Variants in GPR39 observed in about 807,000 individuals in gnomAD.
The protein encoded by GPR39 is zinc sensing receptor.
Under a neutral mutation model 18.4 loss-of-function variants are expected in GPR39, and 23 were observed. The observed-to-expected ratio is 1.25, with a 90% CI of 0.90 to 1.77. GPR39 has a LOEUF of 1.77. GPR39 is among the 40% of genes most tolerant of loss of function. The probability of loss-of-function intolerance (pLI) is 0.00; values close to 1 mark genes in which losing one functional copy is unlikely to be tolerated. For synonymous variants in GPR39, 280 were observed against 257.9 expected, an observed-to-expected ratio of 1.09 and a Z score of -0.82; for missense variants, 647 against 602.4, an observed-to-expected ratio of 1.07 and a Z score of -0.78.
At chr2:132,519,748 CT>C (rs1347672957) in intron 1 of GPR39, among the ~76,000 whole-genome samples, 9 of 152,192 alleles carry the variant, frequency 5.9e-5, no homozygotes, top group Non-Finnish European at 7.4e-5. Context: ...ACAAGGCCCT[CT>C]GATGACACTC....
At chr2:132,644,588 T>C (rs2104884081) in intron 1 of GPR39, among the ~76,000 whole-genome samples, 1 of 152,334 alleles carries the variant, frequency 6.6e-6, no homozygotes, top group East Asian at 1.9e-4. Context: ...GCAAAACCAG[T>C]GTCATTAAAT....
At chr2:132,468,252 C>G (rs1355556527) in intron 1 of GPR39, among the ~76,000 whole-genome samples, 3 of 152,134 alleles carry the variant, frequency 2.0e-5, no homozygotes, top group South Asian at 2.1e-4. Context: ...AGTTTCCTGT[C>G]CTCAAAAAGA....
chr2:132,580,612 G>T (rs1204924595), intron 1 of GPR39, among the ~76,000 whole-genome samples: 1 of 152,172 alleles, frequency 6.6e-6, no homozygotes, highest in Admixed American at 6.5e-5. Flanking sequence ...AGAACCAAAA[G>T]CACTGTGTGG....
At chr2:132,590,818 C>CGTGTGTGT (rs3066458) in intron 1 of GPR39, among the ~76,000 whole-genome samples, 3,076 of 143,946 alleles carry the variant, frequency 0.021, 59 homozygotes, top group African/African-American at 0.052. Flanking sequence ...AAGTATTGTT[C>CGTGTGTGT]GTGTGTGTGT....
intron 1 of GPR39, among the ~76,000 whole-genome samples, chr2:132,565,231 C>G (rs1680328278): frequency 6.6e-6 from 1 of 151,902 alleles, no homozygotes; most frequent in African/African-American, 2.4e-5. Flanking sequence ...CAGTATTTAG[C>G]CAAGTCATTT....
chr2:132,488,863 C>A, intron 1 of GPR39: 1 of 164,864 alleles, frequency 6.1e-6, no homozygotes, highest in East Asian at 1.4e-4. Context: ...CACTTCTTCT[C>A]CCTGCAAGGG....
chr2:132,496,541 A>T (rs757701915), intron 1 of GPR39, among the ~76,000 whole-genome samples: 6 of 152,210 alleles, frequency 3.9e-5, no homozygotes, highest in Non-Finnish European at 5.9e-5. Flanking sequence ...AATAAAACAG[A>T]AGTGTAGATG....
At chr2:132,606,861 G>GTCCCCCTGGCAGAAC (rs1264770274) in intron 1 of GPR39, among the ~76,000 whole-genome samples, 1 of 152,190 alleles carries the variant, frequency 6.6e-6, no homozygotes, top group Non-Finnish European at 1.5e-5. Context: ...TAACCTCCAA[G>GTCCCCCTGGCAGAAC]TCCCCCTGGC....
chr2:132,620,451 CTG>C (rs1681422269), intron 1 of GPR39, among the ~76,000 whole-genome samples: 2 of 152,330 alleles, frequency 1.3e-5, no homozygotes, highest in East Asian at 3.9e-4. Context: ...TTTCCTGGGA[CTG>C]TGAATCTCAG....
intron 1 of GPR39, among the ~76,000 whole-genome samples, chr2:132,581,648 C>A (rs754366430): frequency 1.3e-4 from 20 of 152,190 alleles, no homozygotes; most frequent in Admixed American, 1.3e-3. Flanking sequence ...TGGGTCAATG[C>A]GGAGTGAGGC....
At chr2:132,629,687 T>C (rs1558864468) in intron 1 of GPR39, among the ~76,000 whole-genome samples, 2 of 152,200 alleles carry the variant, frequency 1.3e-5, no homozygotes, top group South Asian at 2.1e-4. Flanking sequence ...GTTTCTGTGA[T>C]TCGAATGTGT....
chr2:132,519,183 C>T (rs955950419), intron 1 of GPR39, among the ~76,000 whole-genome samples: 3 of 152,078 alleles, frequency 2.0e-5, no homozygotes, highest in Non-Finnish European at 4.4e-5. Context: ...CTGTCACCAT[C>T]CACCTCCCAC....
rs1679938077 is a variant in GPR39 at position 132,417,812 on chromosome 2, T to A, written c.770T>A (p.Leu257Gln). The change falls in exon 1 of 2, where the codon CTG (leucine) becomes CAG (glutamine). Residue 257 changes from leucine (L) to glutamine (Q), a missense_variant. By Grantham distance (113) the Leu-to-Gln change is moderately radical (BLOSUM62 -2). Coordinates refer to ENST00000329321, the MANE Select transcript of GPR39 (RefSeq NM_001508.3). ...CTCATGAAAAGCCAGAAGGGCTCGCTGGCCGGGGGCACGCGGCCTCCGCAG... is the reference window on the plus strand; with the variant it reads ...CTCATGAAAAGCCAGAAGGGCTCGCAGGCCGGGGGCACGCGGCCTCCGCAG... ...QVLMKSQKGS[L>Q]AGGTRPPQLR... 5 of 1,614,024 alleles carry A rather than the reference T, an allele frequency of 3.1e-6. No individual in the cohort carries two copies. In the East Asian group the frequency reaches 1.1e-4, roughly 36 times the overall value.
chr2:132,569,514 G>A (rs1680406173), intron 1 of GPR39, among the ~76,000 whole-genome samples: 1 of 151,950 alleles, frequency 6.6e-6, no homozygotes, highest in African/African-American at 2.4e-5. Context: ...AGCAGCTGTG[G>A]TGGGGAGGGG....
Position 132,534,374 on chromosome 2 carries a change from C to T in GPR39, c.857-110727C>T, listed in dbSNP as rs1186251654. Among the ~76,000 whole-genome samples, 16 of 149,934 alleles carry T rather than the reference C, an allele frequency of 1.1e-4. 1 individual carries two copies. The Admixed American group carries it at 1.1e-3, about 10-fold the overall frequency. ...GAGAGGATGTGGAGAAATAGGAACACTTTTACACTGTTGATGGGACTGTAA... is the reference window on the plus strand; with the variant it reads ...GAGAGGATGTGGAGAAATAGGAACATTTTTACACTGTTGATGGGACTGTAA... On this transcript the variant is annotated intron_variant, in intron 1 of 1. Coordinates refer to ENST00000329321, the MANE Select transcript of GPR39 (RefSeq NM_001508.3).
rs1472809495 is a variant in GPR39, at chr2:132,645,914, A to AAAAG, written c.*310_*313dup. 2.8e-6 allele frequency: 2 copies of AAAAG among 713,898 alleles called. No individual in the cohort carries two copies. Among genetic ancestry groups the AAAAG allele is most frequent in the Non-Finnish European group, 4.5e-6 (2 of 441,050 alleles). The allele number at this position is 713,898 out of a possible 1,614,324, so 44.2% of individuals were successfully genotyped here. On this transcript the variant is annotated 3_prime_UTR_variant, in exon 2 of 2. Transcript: ENST00000329321. ...GCTCTTTCATTATTTGCACAGGAAC[A>AAAAG]AAAGAGAACACGGACTCCCGCTCCC...
At chr2:132,621,181 C>A (rs530428152) in intron 1 of GPR39, among the ~76,000 whole-genome samples, 1 of 152,200 alleles carries the variant, frequency 6.6e-6, no homozygotes, top group Non-Finnish European at 1.5e-5. Context: ...CCCTAGAGTC[C>A]CTCTCCCAGC....
intron 1 of GPR39, among the ~76,000 whole-genome samples, chr2:132,556,684 C>G (rs1321454983): frequency 1.3e-5 from 2 of 152,156 alleles, no homozygotes; most frequent in African/African-American, 4.8e-5. Context: ...GCAGGCACAT[C>G]TAAAATGGAC....
At chr2:132,502,243 C>T (rs1374359711) in intron 1 of GPR39, among the ~76,000 whole-genome samples, 2 of 152,160 alleles carry the variant, frequency 1.3e-5, no homozygotes, top group Non-Finnish European at 2.9e-5. Context: ...TTTAGAGCTC[C>T]TTTTAGCAGT....
Sources: allele counts gnomAD v4.1 joint callset (sites outside exome capture counted in the v4.1 genomes callset), GRCh38; gene constraint gnomAD v4.1.1; transcripts MANE v1.5; gene names NCBI Gene and HGNC (gene_info 2026-07-23, HGNC 2026-07-21).